The following RPTOR variants were observed in gnomAD, a reference collection of about 807,000 sequenced individuals.
The protein encoded by RPTOR is regulatory associated protein of MTOR complex 1.
RPTOR carries 21 observed loss-of-function variants against 169.9 expected under a neutral mutation model. That is an observed-to-expected ratio of 0.12 (90% CI 0.09 to 0.18). The LOEUF is 0.18. Among genes scored for constraint, RPTOR ranks in the 10% least tolerant of loss-of-function variants. The probability of loss-of-function intolerance (pLI) is 1.00; values close to 1 mark genes in which losing one functional copy is unlikely to be tolerated. For synonymous variants in RPTOR, 732 were observed against 753.2 expected, an observed-to-expected ratio of 0.97 and a Z score of 0.46; for missense variants, 1,133 against 1,855.9, an observed-to-expected ratio of 0.61 and a Z score of 7.16.
At chr17:80,835,319 A>G (rs2067551752) in intron 9 of RPTOR, among the ~76,000 whole-genome samples, 1 of 152,180 alleles carries the variant, frequency 6.6e-6, no homozygotes, top group South Asian at 2.1e-4. Flanking sequence ...ACATTGAGAA[A>G]ATATGCCCTT....
chr17:80,638,895 G>A (rs2065530362), intron 2 of RPTOR, among the ~76,000 whole-genome samples: 1 of 152,158 alleles, frequency 6.6e-6, no homozygotes, highest in South Asian at 2.1e-4. Context: ...TGTTAGAACG[G>A]GGCCAGACTG....
At chr17:80,871,435 G>A (rs987958812) in intron 13 of RPTOR, among the ~76,000 whole-genome samples, 1 of 152,124 alleles carries the variant, frequency 6.6e-6, no homozygotes, top group African/African-American at 2.4e-5. Context: ...TGCCCTTCTG[G>A]TCCCGTCATA....
At chr17:80,618,377 C>T (rs939658915) in intron 1 of RPTOR, among the ~76,000 whole-genome samples, 1 of 152,102 alleles carries the variant, frequency 6.6e-6, no homozygotes, top group African/African-American at 2.4e-5. Flanking sequence ...TTTTATGAAA[C>T]TTATTTTGTA....
chr17:80,673,210 G>A (rs903734819), intron 3 of RPTOR, among the ~76,000 whole-genome samples: 2 of 152,102 alleles, frequency 1.3e-5, no homozygotes, highest in Non-Finnish European at 2.9e-5. Flanking sequence ...GAGCCGCCAC[G>A]CCCAGCCCTC....
chr17:80,751,217 TG>T (rs1391887298), intron 5 of RPTOR, among the ~76,000 whole-genome samples: 1 of 152,186 alleles, frequency 6.6e-6, no homozygotes, highest in African/African-American at 2.4e-5. Flanking sequence ...GCGTGCTGTC[TG>T]GAGAGGGCTC....
At chr17:80,931,026 C>G (rs1009870102) in intron 24 of RPTOR, among the ~76,000 whole-genome samples, 1 of 152,216 alleles carries the variant, frequency 6.6e-6, no homozygotes, top group African/African-American at 2.4e-5. Flanking sequence ...CGTGGTTATT[C>G]TAACCGTGCA....
intron 17 of RPTOR, among the ~76,000 whole-genome samples, chr17:80,890,606 C>T (rs2068309750): frequency 6.6e-6 from 1 of 152,154 alleles, no homozygotes; most frequent in African/African-American, 2.4e-5. Flanking sequence ...GTTCCATCGG[C>T]GCAAATCAAG....
At chr17:80,610,650 T>C (rs368009260) in intron 1 of RPTOR, among the ~76,000 whole-genome samples, 3 of 152,154 alleles carry the variant, frequency 2.0e-5, no homozygotes, top group African/African-American at 7.2e-5. Flanking sequence ...AACTTCCTGA[T>C]GTGATCCTTC....
intron 1 of RPTOR, among the ~76,000 whole-genome samples, chr17:80,600,551 G>T (rs912511065): frequency 2.0e-5 from 3 of 152,194 alleles, no homozygotes; most frequent in African/African-American, 7.2e-5. Context: ...GGCTGTCCTG[G>T]GTGGGACATT....
chr17:80,631,651 C>T (rs1018024746), intron 2 of RPTOR, among the ~76,000 whole-genome samples: 1 of 152,202 alleles, frequency 6.6e-6, no homozygotes, highest in Non-Finnish European at 1.5e-5. Context: ...CACTCTTTCC[C>T]CCCAGCTTTC....
intron 12 of RPTOR, among the ~76,000 whole-genome samples, chr17:80,856,549 T>G (rs1313349878): frequency 6.6e-6 from 1 of 152,144 alleles, no homozygotes; most frequent in Non-Finnish European, 1.5e-5. Context: ...CTTGGAAGAA[T>G]CATTCAGCAC....
intron 33 of RPTOR, among the ~76,000 whole-genome samples, chr17:80,963,736 ACCCC>A (rs2069380727): frequency 1.5e-4 from 5 of 34,178 alleles, no homozygotes; most frequent in Admixed American, 7.2e-4. Context: ...TGCGGCCCTC[ACCCC>A]GTCCCCTCTG....
At chr17:80,789,479 A>G (rs2067025913) in intron 6 of RPTOR, among the ~76,000 whole-genome samples, 1 of 151,996 alleles carries the variant, frequency 6.6e-6, no homozygotes, top group Non-Finnish European at 1.5e-5. Flanking sequence ...CAAAATCTCT[A>G]CTCTGCGTTT....
At chr17:80,655,749 C>A (rs1232347301) in intron 3 of RPTOR, among the ~76,000 whole-genome samples, 1 of 151,988 alleles carries the variant, frequency 6.6e-6, no homozygotes, top group Non-Finnish European at 1.5e-5. Context: ...TAAAATACGT[C>A]AAATTTAAAA....
intron 23 of RPTOR, 46 bp downstream of exon 23, chr17:80,923,719 C>G: frequency 6.7e-7 from 1 of 1,499,276 alleles, no homozygotes; most frequent in Non-Finnish European, 9.0e-7. Context: ...GAGAGCGTTG[C>G]TTCTCAGATG....
chr17:80,788,017 A>T (rs954672117), intron 6 of RPTOR, among the ~76,000 whole-genome samples: 1 of 151,952 alleles, frequency 6.6e-6, no homozygotes, highest in Admixed American at 6.6e-5. Context: ...CTCCCCTCTA[A>T]CTTTAGCTTG....
Position 80,909,874 on chromosome 17 carries a change from AGTTTAATTTGCTCTTCTCATCC to A in RPTOR, c.2520+946_2520+967del, listed in dbSNP as rs2068591602. 2 of 152,072 alleles carry A rather than the reference AGTTTAATTTGCTCTTCTCATCC, an allele frequency of 1.3e-5. 1 individual carries two copies. Among genetic ancestry groups the A allele is most frequent in the South Asian group, 4.2e-4 (2 of 4,816 alleles). The allele number at this position is 152,072 out of a possible 1,614,324, so 9.4% of individuals were successfully genotyped here. A position where few individuals can be genotyped will look rare whatever the true frequency, so the allele number is the denominator to read the frequency against. ...AGCTTGCTTTCTTCTGCTTACTTTG[AGTTTAATTTGCTCTTCTCATCC>A]TAGTTTCTTAAGGTAGAAGCAGAGG... is the stretch of plus-strand genomic sequence containing the variant. On this transcript the variant is annotated intron_variant, in intron 21 of 33. Coordinates refer to ENST00000306801, the MANE Select transcript of RPTOR (RefSeq NM_020761.3).
chr17:80,773,644 G>A (rs2066865774), intron 6 of RPTOR, among the ~76,000 whole-genome samples: 1 of 152,160 alleles, frequency 6.6e-6, no homozygotes, highest in Non-Finnish European at 1.5e-5. Context: ...TTACAAGGCA[G>A]CCCCGCAGCC....
intron 28 of RPTOR, among the ~76,000 whole-genome samples, chr17:80,954,517 G>A (rs557128765): frequency 2.0e-5 from 3 of 151,978 alleles, no homozygotes; most frequent in Non-Finnish European, 2.9e-5. Flanking sequence ...CCTCTGTCTC[G>A]GCCTCCCAAA....
Sources: gnomAD v4.1 joint callset for allele counts (sites outside exome capture counted in the v4.1 genomes callset) on GRCh38, gnomAD v4.1.1 for gene constraint, MANE v1.5 for transcripts, NCBI Gene and HGNC (gene_info 2026-07-23, HGNC 2026-07-21) for gene names.